ERMP1: variants seen among roughly 807,000 people sequenced by gnomAD.
The protein encoded by ERMP1 is Felix-ina.
ERMP1 carries 86 observed loss-of-function variants against 92.0 expected under a neutral mutation model. The observed-to-expected ratio is 0.93, with a 90% confidence interval of 0.79 to 1.12. The LOEUF is 1.12. Among genes scored for constraint, ERMP1 ranks in the 50% most tolerant of loss-of-function variants. ERMP1 has a pLI of 0.00. For missense variants in ERMP1, 1,342 were observed against 1,116.3 expected, an observed-to-expected ratio of 1.20 and a Z score of -2.88; for synonymous variants, 530 against 412.8, an observed-to-expected ratio of 1.28 and a Z score of -3.44.
intron 6 of ERMP1, among the ~76,000 whole-genome samples, chr9:5,849,582 G>T (rs754245459): frequency 7.2e-5 from 11 of 152,172 alleles, no homozygotes; most frequent in African/African-American, 9.7e-5. Flanking sequence ...CAAAGTCATG[G>T]TTTGGTCACT....
intron 5 of ERMP1, among the ~76,000 whole-genome samples, chr9:5,861,414 G>A (rs950011616): frequency 6.6e-6 from 1 of 151,088 alleles, no homozygotes; most frequent in Non-Finnish European, 1.5e-5. Flanking sequence ...TACTTGCTGG[G>A]TTTTTTTTTA....
At chr9:5,861,510 C>T (rs932106892) in intron 5 of ERMP1, among the ~76,000 whole-genome samples, 1 of 151,936 alleles carries the variant, frequency 6.6e-6, no homozygotes, top group Admixed American at 6.6e-5. Flanking sequence ...ACCTATTTGT[C>T]TTCTTTTACA....
intron 5 of ERMP1, among the ~76,000 whole-genome samples, chr9:5,866,593 T>A (rs1830670820): frequency 6.6e-6 from 1 of 152,180 alleles, no homozygotes; most frequent in Admixed American, 6.5e-5. Context: ...CAAGAACAGA[T>A]GAACTTGTAA....
intron 6 of ERMP1, among the ~76,000 whole-genome samples, chr9:5,845,460 A>G (rs1830223766): frequency 6.6e-6 from 1 of 151,984 alleles, no homozygotes; most frequent in African/African-American, 2.4e-5. Flanking sequence ...GAGGATGAAG[A>G]GAGAGAGAGA....
chr9:5,829,035 G>C (rs940044850), intron 2 of ERMP1, among the ~76,000 whole-genome samples: 1 of 152,026 alleles, frequency 6.6e-6, no homozygotes, highest in Non-Finnish European at 1.5e-5. Flanking sequence ...CTTGAGGTCA[G>C]GAGTTCAAGA....
At chr9:5,857,767 A>T (rs776798444) in intron 6 of ERMP1, among the ~76,000 whole-genome samples, 2 of 152,178 alleles carry the variant, frequency 1.3e-5, no homozygotes, top group Non-Finnish European at 2.9e-5. Flanking sequence ...ATCCCTAGGG[A>T]TCTGCCTATT....
chr9:5,785,845 T>C lies in ERMP1; in HGVS notation c.*1299A>G, dbSNP rs1329747756. 6.6e-6 allele frequency: 1 copy of C among 152,172 alleles called. No individual in the cohort carries two copies. Among genetic ancestry groups the C allele is most frequent in the Non-Finnish European group, 1.5e-5 (1 of 68,032 alleles). The allele number at this position is 152,172 out of a possible 1,614,324, so 9.4% of individuals were successfully genotyped here. ...TTAAAACTCAAAATTTGTCCAACGT[T>C]TCACATTTCCTAATGATAAAAAGAA... is the stretch of plus-strand genomic sequence containing the variant. On this transcript the variant is annotated 3_prime_UTR_variant, in exon 15 of 15. Coordinates refer to ENST00000339450, the MANE Select transcript of ERMP1 (RefSeq NM_024896.3).
intron 6 of ERMP1, among the ~76,000 whole-genome samples, chr9:5,851,389 C>T (rs1253109852): frequency 6.6e-6 from 1 of 152,114 alleles, no homozygotes; most frequent in East Asian, 1.9e-4. Context: ...GAATTAATTA[C>T]ACTATTTAAA....
chr9:5,818,226 A>G (rs1009618208), intron 4 of ERMP1, among the ~76,000 whole-genome samples: 1 of 152,088 alleles, frequency 6.6e-6, no homozygotes, highest in African/African-American at 2.4e-5. Flanking sequence ...ATTCTGCAGT[A>G]GAGGGTCAGA....
chr9:5,825,293 G>A, intron 2 of ERMP1, 74 bp from the exon 3 acceptor site: 3 of 1,430,010 alleles, frequency 2.1e-6, no homozygotes, highest in Non-Finnish European at 2.8e-6. Flanking sequence ...GACTAGGAAT[G>A]GAGCTTTCTC....
In ERMP1 at chr9:5,832,946, G is replaced by A. The variant is rs1263043580; in HGVS notation, c.82C>T (p.Pro28Ser). Residue 28 changes from proline (P) to serine (S), a missense_variant, in exon 1 of 15, where the codon CCG becomes TCG. Coordinates refer to ENST00000339450, the MANE Select transcript of ERMP1 (RefSeq NM_024896.3). ...ERREGAAAAP[P>S]PEREARAQEP... ...TGCGCTCGGGCCTCCCTCTCCGGCG[G>A]TGGCGCGGCCGCCGCTCCCTCTCGA... 2 of 1,562,514 alleles carry A rather than the reference G, an allele frequency of 1.3e-6. No homozygotes were observed. The highest frequency in any genetic ancestry group is 1.2e-5 in the South Asian group (1 of 86,218).
chr9:5,837,566 A>G (rs1830108915), upstream of ERMP1, among the ~76,000 whole-genome samples: 1 of 152,246 alleles, frequency 6.6e-6, no homozygotes, highest in Non-Finnish European at 1.5e-5. Context: ...GTCACCAAAA[A>G]GATGAAAAGT....
chr9:5,840,059 T>C (rs1246817019), intron 6 of ERMP1, among the ~76,000 whole-genome samples: 1 of 152,150 alleles, frequency 6.6e-6, no homozygotes, highest in Non-Finnish European at 1.5e-5. Context: ...CTGGCCAACA[T>C]GGTGAAACCC....
chr9:5,830,861 C>T lies in ERMP1; in HGVS notation c.506G>A (p.Ser169Asn). 2.5e-6 allele frequency: 4 copies of T among 1,614,136 alleles called. No homozygotes were observed. The highest frequency in any genetic ancestry group is 3.4e-6 in the Non-Finnish European group (4 of 1,180,010). The change falls in exon 2 of 15, where the codon AGC (serine) becomes AAC (asparagine). Residue 169 changes from serine to asparagine, a missense_variant. By Grantham distance (46) the Ser-to-Asn change is conservative (BLOSUM62 1). Transcript: ENST00000339450. ...TGTAAAACCTCCCAAGAAATCAATG[C>T]TAAAAGAGCCTGTGGGCCGTTGTAC... Reference protein sequence around the residue: ...VDVQRPTGSFSIDFLGGFTSY... With the variant: ...VDVQRPTGSFNIDFLGGFTSY...
chr9:5,859,849 G>A (rs1254483366), intron 5 of ERMP1, among the ~76,000 whole-genome samples: 1 of 152,120 alleles, frequency 6.6e-6, no homozygotes, highest in Non-Finnish European at 1.5e-5. Context: ...ACATTCAAGT[G>A]TATCATTACT....
Position 5,823,896 on chromosome 9 carries a change from C to T in ERMP1, c.874G>A (p.Gly292Ser). ...ATATACAACGCACAATCTCACATAC[C>T]TGTTTGGAATACAAGTTCTTTCCCT... Reference protein sequence around the residue: ...VGGKELVFQTGPENPWLVQAY... With the variant: ...VGGKELVFQTSPENPWLVQAY... The change falls in exon 4 of 15, where the codon GGT becomes AGT. Residue 292 changes from glycine to serine, a missense_variant and splice_region_variant. Physicochemically the swap from Gly to Ser is moderately conservative, Grantham distance 56 (BLOSUM62 0). Coordinates refer to ENST00000339450, the MANE Select transcript of ERMP1 (RefSeq NM_024896.3). 1 of 1,596,606 alleles carries T rather than the reference C, an allele frequency of 6.3e-7. No homozygotes were observed. Among genetic ancestry groups the T allele is most frequent in the Non-Finnish European group, 8.6e-7 (1 of 1,164,834 alleles).
chr9:5,853,455 CCCAGAAGAG>C (rs1830333987), intron 6 of ERMP1, among the ~76,000 whole-genome samples: 1 of 152,004 alleles, frequency 6.6e-6, no homozygotes. Context: ...GTGTTGATCT[CCCAGAAGAG>C]CCATACATAT....
At chr9:5,824,876 T>C (rs1829677153) in intron 3 of ERMP1, among the ~76,000 whole-genome samples, 1 of 152,206 alleles carries the variant, frequency 6.6e-6, no homozygotes, top group Admixed American at 6.5e-5. Context: ...CCTGCCACAA[T>C]AATCTGCTAA....
intron 6 of ERMP1, among the ~76,000 whole-genome samples, chr9:5,847,504 C>G (rs1441648368): frequency 6.6e-6 from 1 of 152,052 alleles, no homozygotes; most frequent in Non-Finnish European, 1.5e-5. Flanking sequence ...TCCCAAAGTG[C>G]TGGGATTACA....
Sources: allele counts gnomAD v4.1 joint callset (sites outside exome capture counted in the v4.1 genomes callset), GRCh38; gene constraint gnomAD v4.1.1; transcripts MANE v1.5; gene names NCBI Gene and HGNC (gene_info 2026-07-23, HGNC 2026-07-21).